The following NDST4 variants were observed in gnomAD, a reference collection of about 807,000 sequenced individuals.
NDST4 encodes N-deacetylase and N-sulfotransferase 4, also known as N-heparan sulfate sulfotransferase 4.
NDST4 carries 63 observed loss-of-function variants against 100.8 expected under a neutral mutation model. The ratio of observed to expected loss-of-function variants is 0.62; its 90% CI spans 0.51 to 0.77. The LOEUF is 0.77. Among genes scored for constraint, NDST4 ranks in the 30% least tolerant of loss-of-function variants. The pLI, the probability that NDST4 is intolerant of heterozygous loss-of-function variation, is 0.00. For synonymous variants in NDST4, 377 were observed against 361.8 expected, an observed-to-expected ratio of 1.04 and a Z score of -0.48; for missense variants, 943 against 1,018.4, an observed-to-expected ratio of 0.93 and a Z score of 1.01.
At chr4:114,976,680 G>T (rs1560839648) in intron 3 of NDST4, among the ~76,000 whole-genome samples, 1 of 151,884 alleles carries the variant, frequency 6.6e-6, no homozygotes, top group Non-Finnish European at 1.5e-5. Context: ...TGGTAATATT[G>T]TTTTAGGGAA....
At chr4:114,834,044 C>T (rs779047526) in intron 11 of NDST4, among the ~76,000 whole-genome samples, 2 of 152,072 alleles carry the variant, frequency 1.3e-5, no homozygotes, top group Non-Finnish European at 2.9e-5. Flanking sequence ...GATAATTATC[C>T]AGCCTACCAA....
chr4:114,888,200 T>C (rs1342415274), intron 6 of NDST4, among the ~76,000 whole-genome samples: 1 of 151,314 alleles, frequency 6.6e-6, no homozygotes, highest in African/African-American at 2.4e-5. Context: ...AGACTCTATC[T>C]CAAAATAAAT....
chr4:115,083,136 T>C (rs754627634), intron 1 of NDST4, among the ~76,000 whole-genome samples: 5 of 152,152 alleles, frequency 3.3e-5, no homozygotes, highest in Non-Finnish European at 5.9e-5. Flanking sequence ...TTTATATTAA[T>C]GAAACAGAAT....
intron 2 of NDST4, among the ~76,000 whole-genome samples, chr4:115,028,587 TAATC>T (rs1348592367): frequency 1.3e-5 from 2 of 151,798 alleles, no homozygotes; most frequent in Non-Finnish European, 2.9e-5. Flanking sequence ...AAATGTATAT[TAATC>T]AAAGAAAGAG....
intron 6 of NDST4, among the ~76,000 whole-genome samples, chr4:114,911,777 C>G (rs1012537710): frequency 6.6e-6 from 1 of 152,106 alleles, no homozygotes; most frequent in Non-Finnish European, 1.5e-5. Context: ...TTAGAACAAA[C>G]TTTCATGATC....
intron 6 of NDST4, among the ~76,000 whole-genome samples, chr4:114,884,998 C>T (rs28434241): frequency 0.042 from 6,315 of 152,106 alleles, 415 homozygotes; most frequent in African/African-American, 0.14. Context: ...TTGTTTTCTT[C>T]TGTATTTCAC....
chr4:114,994,763 A>C, intron 2 of NDST4, among the ~76,000 whole-genome samples: 1 of 152,028 alleles, frequency 6.6e-6, no homozygotes, highest in East Asian at 1.9e-4. Flanking sequence ...CTTGGAAAAA[A>C]TCTTATCCTC....
chr4:114,969,307 C>T (rs1560836210), intron 4 of NDST4, among the ~76,000 whole-genome samples: 1 of 134,176 alleles, frequency 7.5e-6, no homozygotes, highest in Non-Finnish European at 1.5e-5. Context: ...GAGCGAGACT[C>T]CGTCTCAAAA....
intron 6 of NDST4, among the ~76,000 whole-genome samples, chr4:114,885,224 T>C (rs1724453565): frequency 6.6e-6 from 1 of 152,172 alleles, no homozygotes; most frequent in Non-Finnish European, 1.5e-5. Flanking sequence ...CATTTCCCAG[T>C]ACTAAAACAT....
intron 4 of NDST4, among the ~76,000 whole-genome samples, chr4:114,941,625 G>C (rs1464806737): frequency 6.6e-6 from 1 of 152,110 alleles, no homozygotes; most frequent in East Asian, 1.9e-4. Context: ...TTGCAAATAA[G>C]CAAGTTTTTT....
intron 2 of NDST4, among the ~76,000 whole-genome samples, chr4:115,013,397 C>T (rs1345513807): frequency 2.4e-5 from 2 of 82,094 alleles, no homozygotes; most frequent in Non-Finnish European, 5.9e-5. Context: ...CTAATATGTA[C>T]CCACAGAAAT....
chr4:114,829,208 G>T (rs1415793347), intron 13 of NDST4, among the ~76,000 whole-genome samples: 1 of 152,042 alleles, frequency 6.6e-6, no homozygotes, highest in African/African-American at 2.4e-5. Context: ...TTCCAAGCCT[G>T]TTCTACCAGA....
chr4:114,911,160 A>C (rs1471775983), intron 6 of NDST4, among the ~76,000 whole-genome samples: 1 of 152,170 alleles, frequency 6.6e-6, no homozygotes, highest in African/African-American at 2.4e-5. Flanking sequence ...ATAAACAGTA[A>C]AACAGTTCTT....
chr4:115,109,283 T>C (rs1199126919), intron 1 of NDST4, among the ~76,000 whole-genome samples: 3 of 152,022 alleles, frequency 2.0e-5, no homozygotes, highest in South Asian at 2.1e-4. Flanking sequence ...TGTGTAGTTA[T>C]AGTTGACGAT....
chr4:114,847,584 G>C (rs553029791), intron 9 of NDST4, among the ~76,000 whole-genome samples: 6 of 152,010 alleles, frequency 3.9e-5, no homozygotes, highest in African/African-American at 1.4e-4. Flanking sequence ...AATAGAGCTA[G>C]AAAAAATCAC....
At chr4:114,986,832 A>ATATATATATTTTTTTTTTTTT in intron 2 of NDST4, among the ~76,000 whole-genome samples, 8 of 94,662 alleles carry the variant, frequency 8.5e-5, no homozygotes, top group Non-Finnish European at 1.1e-4. Flanking sequence ...ATATATATAT[A>ATATATATATTTTTTTTTTTTT]TTTTAATATA....
chr4:114,847,375 CAAAAAAAAAAAAAAAAAAAAAAAA>C lies in NDST4; in HGVS notation c.1940+816_1940+839del, dbSNP rs57987259. 4.1e-3 allele frequency among the ~76,000 whole-genome samples: 74 copies of C among 18,238 alleles called. 3 individuals carry two copies. Among genetic ancestry groups the C allele is most frequent in the South Asian group, 8.9e-3 (3 of 338 alleles). 12.0% of individuals were successfully genotyped at this position (18,238 alleles called of 152,430 possible). The stretch of plus-strand genomic sequence containing the variant: ...TGGGCGACAGAGCGAGACTCCGTCT[CAAAAAAAAAAAAAAAAAAAAAAAA>C]AAAAAAAAAAAAAAAAAGTGTCTTT... On this transcript the variant is annotated intron_variant, in intron 9 of 13. Transcript: ENST00000264363.
intron 7 of NDST4, among the ~76,000 whole-genome samples, chr4:114,853,238 C>T (rs1398839524): frequency 6.6e-6 from 1 of 151,070 alleles, no homozygotes; most frequent in African/African-American, 2.5e-5. Context: ...CAGACTTGGC[C>T]AACTTTTCCT....
chr4:115,044,380 C>T (rs748879609), intron 2 of NDST4, among the ~76,000 whole-genome samples: 1 of 151,746 alleles, frequency 6.6e-6, no homozygotes, highest in Non-Finnish European at 1.5e-5. Flanking sequence ...AAGGAAGAAA[C>T]AAGTGAGAAG....
Sources: gnomAD v4.1 joint callset for allele counts (sites outside exome capture counted in the v4.1 genomes callset) on GRCh38, gnomAD v4.1.1 for gene constraint, MANE v1.5 for transcripts, NCBI Gene and HGNC (gene_info 2026-07-23, HGNC 2026-07-21) for gene names.